Variants in CDH23 observed in about 807,000 individuals in gnomAD.
CDH23 encodes the protein cadherin-23.
In CDH23, 189 loss-of-function variants were observed where a neutral mutation model predicts 317.1. That is an observed-to-expected ratio of 0.60 (90% CI 0.53 to 0.67). The LOEUF (loss-of-function observed/expected upper bound fraction) is 0.67. Among genes scored for constraint, CDH23 ranks in the 30% least tolerant of loss-of-function variants. The pLI is 0.00. For missense variants in CDH23, 4,401 were observed against 4,592.4 expected, an observed-to-expected ratio of 0.96 and a Z score of 1.20; for synonymous variants, 1,839 against 1,876.8, an observed-to-expected ratio of 0.98 and a Z score of 0.52.
chr10:71,671,463 C>G (rs1864143439), intron 14 of CDH23, among the ~76,000 whole-genome samples: 1 of 152,134 alleles, frequency 6.6e-6, no homozygotes, highest in Non-Finnish European at 1.5e-5. Context: ...ATACATAGGC[C>G]CTTGGCACTC....
chr10:71,510,291 C>T (rs570848726), intron 4 of CDH23, 67 bp downstream of exon 4: 72 of 1,558,306 alleles, frequency 4.6e-5, no homozygotes, highest in Admixed American at 2.4e-4. Flanking sequence ...GGGGGAAGGA[C>T]GGCCCGCCAT....
intron 9 of CDH23, among the ~76,000 whole-genome samples, chr10:71,610,653 T>C (rs1225754162): frequency 1.3e-5 from 2 of 152,184 alleles, no homozygotes; most frequent in African/African-American, 2.4e-5. Flanking sequence ...AAGTGTTTGA[T>C]AAGTAGTGGC....
rs376098894 is a variant in CDH23 at position 71,811,324 on chromosome 10, G to A, written c.9087G>A (p.Gln3029=). The A allele has an allele frequency of 4.5e-5, 72 of 1,613,762 alleles. No homozygotes were observed. The African/African-American group carries it at 7.9e-4, about 18-fold the overall frequency. ...CCTGCCCCTCGCCCAGGGTGATCCAGATGATCGATGAGAACAAGGAGCAGC... is the reference window on the plus strand; with the variant it reads ...CCTGCCCCTCGCCCAGGGTGATCCAAATGATCGATGAGAACAAGGAGCAGC... ...NRILDVDRVI[Q]MIDENKEQLR... The change falls in exon 63 of 70, where the codon CAG becomes CAA. Residue 3029 remains glutamine, a synonymous_variant. Coordinates refer to ENST00000224721, the MANE Select transcript of CDH23 (RefSeq NM_022124.6).
chr10:71,526,203 C>T (rs1040768189), intron 6 of CDH23, among the ~76,000 whole-genome samples: 1 of 152,238 alleles, frequency 6.6e-6, no homozygotes, highest in African/African-American at 2.4e-5. Flanking sequence ...ATGTATCAAG[C>T]ACATCTTCCT....
rs1299560612 is a variant in CDH23, at chr10:71,815,077, C to G, written c.9864C>G (p.Ser3288Arg). The G allele has an allele frequency of 6.2e-7, 1 of 1,611,500 alleles. No homozygotes were observed. Among genetic ancestry groups the G allele is most frequent in the Non-Finnish European group, 8.5e-7 (1 of 1,179,246 alleles). ...GPDGIHVVHG[S>R]TGTLLATDLN... ...ATGGGATCCATGTGGTGCACGGCAGCACGGGCACGCTGCTGGCCACCGACC... is the reference window on the plus strand; with the variant it reads ...ATGGGATCCATGTGGTGCACGGCAGGACGGGCACGCTGCTGGCCACCGACC... The change falls in exon 70 of 70, where the codon AGC becomes AGG. Residue 3288 changes from serine to arginine, a missense_variant. Ser to Arg is a moderately radical substitution (Grantham distance 110). Transcript: ENST00000224721.
At chr10:71,639,596 G>C (rs1589286852) in intron 11 of CDH23, among the ~76,000 whole-genome samples, 1 of 152,324 alleles carries the variant, frequency 6.6e-6, no homozygotes, top group East Asian at 1.9e-4. Flanking sequence ...GGGCAAACTT[G>C]AGTTCCAAGC....
rs1862860044 is a variant in CDH23 at position 71,646,382 on chromosome 10, G to A, written c.1291-77G>A. Reference sequence around the variant, plus strand: ...TCTGGGCTGGGGCCGGCAAAGGCATGGAGAGGACTTACAGGGACAAGGACT... The same window carrying A: ...TCTGGGCTGGGGCCGGCAAAGGCATAGAGAGGACTTACAGGGACAAGGACT... On this transcript the variant is annotated intron_variant, in intron 13 of 69. Transcript: ENST00000224721. The A allele has an allele frequency of 2.5e-6, 4 of 1,576,490 alleles. No individual in the cohort carries two copies. The South Asian group carries it at 4.8e-5, about 19-fold the overall frequency.
chr10:71,666,709 AG>A (rs1863913981), intron 14 of CDH23, among the ~76,000 whole-genome samples: 2 of 152,142 alleles, frequency 1.3e-5, no homozygotes, highest in South Asian at 4.1e-4. Context: ...ATGGGAGGGA[AG>A]GAAAAAGGGC....
chr10:71,440,111 G>A (rs895937237), intron 2 of CDH23, among the ~76,000 whole-genome samples: 8 of 152,174 alleles, frequency 5.3e-5, no homozygotes, highest in African/African-American at 1.9e-4. Flanking sequence ...CCAAAGCCTG[G>A]GACACAAGAG....
At chr10:71,435,991 A>G (rs1487834948) in intron 1 of CDH23, among the ~76,000 whole-genome samples, 1 of 152,248 alleles carries the variant, frequency 6.6e-6, no homozygotes, top group Non-Finnish European at 1.5e-5. Flanking sequence ...CAGAGGAGCC[A>G]GAGGAAGATC....
Position 71,811,298 on chromosome 10 carries a change from C to T in CDH23, c.9078-17C>T. ...AATGGCTGAGGAGGAGAGCTGAGAC[C>T]CCTGCCCCTCGCCCAGGGTGATCCA... On this transcript the variant is annotated splice_polypyrimidine_tract_variant and intron_variant, in intron 62 of 69. Transcript: ENST00000224721. The T allele has an allele frequency of 2.5e-6, 4 of 1,613,632 alleles. No homozygotes were observed. Among genetic ancestry groups the T allele is most frequent in the Non-Finnish European group, 3.4e-6 (4 of 1,179,820 alleles).
At chr10:71,708,230 G>A (rs1865859087) in intron 26 of CDH23, among the ~76,000 whole-genome samples, 1 of 152,170 alleles carries the variant, frequency 6.6e-6, no homozygotes, top group African/African-American at 2.4e-5. Flanking sequence ...GCAAGAACAG[G>A]GGGAGCACCT....
intron 14 of CDH23, among the ~76,000 whole-genome samples, chr10:71,661,849 C>T (rs1313069516): frequency 2.6e-4 from 14 of 54,466 alleles, no homozygotes; most frequent in Non-Finnish European, 4.8e-4. Flanking sequence ...CCACCCTGCA[C>T]GTCCCCTCCC....
chr10:71,803,639 T>C (rs1200541579), intron 55 of CDH23, among the ~76,000 whole-genome samples: 3 of 151,982 alleles, frequency 2.0e-5, no homozygotes, highest in Non-Finnish European at 4.4e-5. Flanking sequence ...CAGGGCAGTA[T>C]TGAACAGTGG....
intron 6 of CDH23, among the ~76,000 whole-genome samples, chr10:71,526,487 A>G (rs1326233911): frequency 1.3e-5 from 2 of 152,222 alleles, no homozygotes; most frequent in African/African-American, 4.8e-5. Flanking sequence ...AGGGGCATGA[A>G]GGAGGAAGGG....
At chr10:71,496,073 C>T (rs1329762913) in intron 3 of CDH23, among the ~76,000 whole-genome samples, 4 of 152,110 alleles carry the variant, frequency 2.6e-5, no homozygotes, top group African/African-American at 7.2e-5. Flanking sequence ...CTGCTCTAAC[C>T]GGGTGGTTCT....
At position 71,615,005 on chromosome 10, in the gene CDH23, CTT is replaced by C. The variant is rs1254489543; in HGVS notation, c.833-497_833-496del. Reference sequence around the variant, plus strand: ...AATTTACATTTTTTGTAAAAGGAAACTTTACATCACGGTCATAAATAAAAAAT... The same window carrying C: ...AATTTACATTTTTTGTAAAAGGAAACTACATCACGGTCATAAATAAAAAAT... On this transcript the variant is annotated intron_variant, in intron 9 of 69. Coordinates refer to ENST00000224721, the MANE Select transcript of CDH23 (RefSeq NM_022124.6). 1.4e-4 allele frequency among the ~76,000 whole-genome samples: 22 copies of C among 152,134 alleles called. No individual in the cohort carries two copies. The East Asian group carries it at 4.2e-3, about 29-fold the overall frequency.
chr10:71,799,721 T>TA, intron 52 of CDH23, 92 bp downstream of exon 52: 1 of 1,561,006 alleles, frequency 6.4e-7, no homozygotes, highest in Non-Finnish European at 8.8e-7. Flanking sequence ...GTAATCCCTC[T>TA]GGGTCTTGTC....
At chr10:71,452,431 C>T (rs918528797) in intron 3 of CDH23, among the ~76,000 whole-genome samples, 1 of 152,124 alleles carries the variant, frequency 6.6e-6, no homozygotes, top group African/African-American at 2.4e-5. Flanking sequence ...AGACACCTTG[C>T]CCCCCAGCAC....
Sources: gnomAD v4.1 joint callset for allele counts (sites outside exome capture counted in the v4.1 genomes callset) on GRCh38, gnomAD v4.1.1 for gene constraint, MANE v1.5 for transcripts, NCBI Gene and HGNC (gene_info 2026-07-23, HGNC 2026-07-21) for gene names.